Variants in CDH13 observed in about 807,000 individuals in gnomAD.
CDH13 encodes cadherin 13.
A neutral mutation model predicts 63.8 loss-of-function variants in CDH13; 24 were observed. That is an observed-to-expected ratio of 0.38 (90% CI 0.27 to 0.53). CDH13 has a LOEUF of 0.53. Among genes scored for constraint, CDH13 ranks in the 20% least tolerant of loss-of-function variants. The probability of loss-of-function intolerance (pLI) is 0.85; values close to 1 mark genes in which losing one functional copy is unlikely to be tolerated. For synonymous variants in CDH13, 503 were observed against 355.3 expected (o/e 1.42, Z -4.67); for missense variants, 1,049 against 903.1 (o/e 1.16, Z -2.07).
chr16:83,143,315 G>A (rs2036614749), intron 4 of CDH13, among the ~76,000 whole-genome samples: 2 of 152,038 alleles, frequency 1.3e-5, no homozygotes, highest in African/African-American at 2.4e-5. Flanking sequence ...GATAAATTTG[G>A]TAGAAGAAAA....
In CDH13 at chr16:82,651,861, G is replaced by T. The variant is rs150137753; in HGVS notation, c.45+24724G>T. 3.8e-3 allele frequency among the ~76,000 whole-genome samples: 579 copies of T among 152,330 alleles called. 3 individuals carry two copies. Among genetic ancestry groups the T allele is most frequent in the African/African-American group, 0.013 (546 of 41,570 alleles). Reference sequence around the variant, plus strand: ...TGTGGTCTTGGACCTTGGGATTTAGGACGGGCTATTGACATTAACAGTTGG... The same window carrying T: ...TGTGGTCTTGGACCTTGGGATTTAGTACGGGCTATTGACATTAACAGTTGG... On this transcript the variant is annotated intron_variant, in intron 1 of 13. Coordinates refer to ENST00000567109, the MANE Select transcript of CDH13 (RefSeq NM_001257.5).
At chr16:82,667,130 C>A (rs1567606508) in intron 1 of CDH13, among the ~76,000 whole-genome samples, 1 of 152,190 alleles carries the variant, frequency 6.6e-6, no homozygotes, top group Non-Finnish European at 1.5e-5. Context: ...CCAGCTTATT[C>A]ACATCGCCTC....
intron 1 of CDH13, among the ~76,000 whole-genome samples, chr16:82,792,472 C>G (rs560942990): frequency 6.6e-6 from 1 of 152,172 alleles, no homozygotes; most frequent in Non-Finnish European, 1.5e-5. Flanking sequence ...TCCCAATACA[C>G]AATTCAGTAC....
At chr16:83,017,449 G>T (rs2151447984) in intron 2 of CDH13, among the ~76,000 whole-genome samples, 1 of 152,238 alleles carries the variant, frequency 6.6e-6, no homozygotes, top group African/African-American at 2.4e-5. Flanking sequence ...CTTTCCCAAG[G>T]ACCTGGAACT....
Position 83,047,221 on chromosome 16 carries a change from C to T in CDH13, c.366+15003C>T, listed in dbSNP as rs1426095655. The stretch of plus-strand genomic sequence containing the variant: ...GACCACCTCCTGCCCCTCACTCTTA[C>T]TCCAGAGGCCTGTGTATTTATTTAT... On this transcript the variant is annotated intron_variant, in intron 3 of 13. Coordinates refer to ENST00000567109, the MANE Select transcript of CDH13 (RefSeq NM_001257.5). The surrounding 1 kb of genome is among the most constrained non-coding windows in gnomAD (Gnocchi z 4.9). Among the ~76,000 whole-genome samples the T allele has an allele frequency of 6.6e-6, 1 of 151,618 alleles. No homozygotes were observed. Among genetic ancestry groups the T allele is most frequent in the Non-Finnish European group, 1.5e-5 (1 of 67,840 alleles).
chr16:82,895,168 A>G (rs548452630), intron 2 of CDH13, among the ~76,000 whole-genome samples: 1 of 152,304 alleles, frequency 6.6e-6, no homozygotes, highest in East Asian at 1.9e-4. Flanking sequence ...TCATCACCCC[A>G]AAAGGAGAGC....
At chr16:82,985,535 C>T (rs915011312) in intron 2 of CDH13, among the ~76,000 whole-genome samples, 1 of 152,144 alleles carries the variant, frequency 6.6e-6, no homozygotes, top group Non-Finnish European at 1.5e-5. Flanking sequence ...CTCACTCAGG[C>T]CCTACAGAGA....
intron 7 of CDH13, among the ~76,000 whole-genome samples, chr16:83,513,654 C>T (rs2074627848): frequency 6.6e-6 from 1 of 152,096 alleles, no homozygotes; most frequent in Admixed American, 6.5e-5. Flanking sequence ...CGTGAGATCT[C>T]TTGAAAACTC....
chr16:82,660,662 A>G (rs1201912387), intron 1 of CDH13, among the ~76,000 whole-genome samples: 2 of 152,214 alleles, frequency 1.3e-5, no homozygotes, highest in African/African-American at 2.4e-5. Flanking sequence ...ACCTGGGACC[A>G]AAGACCCTAG....
intron 5 of CDH13, among the ~76,000 whole-genome samples, chr16:83,325,661 G>A (rs1461518171): frequency 6.6e-6 from 1 of 152,118 alleles, no homozygotes; most frequent in Non-Finnish European, 1.5e-5. Flanking sequence ...CTATTCTAGA[G>A]TATTTTGATA....
At chr16:83,116,771 G>A (rs2035319977) in intron 3 of CDH13, among the ~76,000 whole-genome samples, 1 of 152,200 alleles carries the variant, frequency 6.6e-6, no homozygotes, top group Non-Finnish European at 1.5e-5. Context: ...TTCATGGTAC[G>A]TAAATTATAC....
Position 82,627,380 on chromosome 16 carries a change from G to GTGTGTGTGTA in CDH13, c.45+244_45+245insGTGTGTGTAT, listed in dbSNP as rs1468653196. ...TGTGTGTGTGTGTGTGTGTGTGTGT[G>GTGTGTGTGTA]TACGTTCGTTAACGGGAGGAGGAGA... On this transcript the variant is annotated intron_variant, in intron 1 of 13. Coordinates refer to ENST00000567109, the MANE Select transcript of CDH13 (RefSeq NM_001257.5). 9.1e-5 allele frequency among the ~76,000 whole-genome samples: 13 copies of GTGTGTGTGTA among 142,522 alleles called. No individual in the cohort carries two copies. In the East Asian group the frequency reaches 3.0e-3, roughly 33 times the overall value. 93.5% of individuals were successfully genotyped at this position (142,522 alleles called of 152,430 possible). A position where few individuals can be genotyped will look rare whatever the true frequency, so the allele number is the denominator to read the frequency against.
chr16:83,376,189 A>T (rs1020034338), intron 6 of CDH13, among the ~76,000 whole-genome samples: 1 of 152,152 alleles, frequency 6.6e-6, no homozygotes, highest in Non-Finnish European at 1.5e-5. Flanking sequence ...CGCCCTTCAT[A>T]AAAGTATTGT....
rs117588185 is a variant in CDH13 at position 83,104,331 on chromosome 16, G to T, written c.367-21054G>T. 4.5e-4 allele frequency among the ~76,000 whole-genome samples: 68 copies of T among 152,228 alleles called. 1 individual carries two copies. In the East Asian group the frequency reaches 0.012, roughly 28 times the overall value. On this transcript the variant is annotated intron_variant, in intron 3 of 13. Coordinates refer to ENST00000567109, the MANE Select transcript of CDH13 (RefSeq NM_001257.5). ...GAGACATCGCATACATTATTGTGAA[G>T]AATTTATTAATGTAAACTGCATGGT...
At chr16:83,512,558 C>T (rs2074597456) in intron 7 of CDH13, among the ~76,000 whole-genome samples, 2 of 150,804 alleles carry the variant, frequency 1.3e-5, no homozygotes, top group Non-Finnish European at 3.0e-5. Context: ...GTCCCAGCTG[C>T]TCAGGAGGCT....
chr16:83,769,752 A>C (rs1914637381), intron 11 of CDH13, among the ~76,000 whole-genome samples: 2 of 152,126 alleles, frequency 1.3e-5, no homozygotes, highest in Non-Finnish European at 2.9e-5. Flanking sequence ...CTGCAAATTG[A>C]CTGTCAATTC....
At chr16:83,577,245 G>A (rs1411508420) in intron 7 of CDH13, among the ~76,000 whole-genome samples, 3 of 152,190 alleles carry the variant, frequency 2.0e-5, no homozygotes, top group Non-Finnish European at 4.4e-5. Context: ...CTGTCCTACT[G>A]TGTCCACTGA....
intron 4 of CDH13, among the ~76,000 whole-genome samples, chr16:83,128,390 C>T (rs573140701): frequency 5.3e-5 from 8 of 152,290 alleles, no homozygotes; most frequent in Non-Finnish European, 7.4e-5. Context: ...GGGGTTAAAG[C>T]CAGGAATCTG....
chr16:83,128,289 G>T (rs140767306), intron 4 of CDH13, among the ~76,000 whole-genome samples: 50 of 152,280 alleles, frequency 3.3e-4, no homozygotes, highest in African/African-American at 1.1e-3. Context: ...TCCAAGAGTG[G>T]TTGTGGACCA....
Sources: gnomAD v4.1 joint callset for allele counts (sites outside exome capture counted in the v4.1 genomes callset) on GRCh38, gnomAD v4.1.1 for gene constraint, Gnocchi (gnomAD v3.1) non-coding constraint, MANE v1.5 for transcripts, NCBI Gene and HGNC (gene_info 2026-07-23, HGNC 2026-07-21) for gene names.